Variants in MAD1L1 observed in about 807,000 individuals in gnomAD.
MAD1L1 encodes the protein mitotic spindle assembly checkpoint protein MAD1.
Under a neutral mutation model 96.9 loss-of-function variants are expected in MAD1L1, and 95 were observed. The ratio of observed to expected loss-of-function variants is 0.98; its 90% CI spans 0.83 to 1.16. MAD1L1 has a LOEUF of 1.16. MAD1L1 is among the 50% of genes most tolerant of loss of function. The probability of loss-of-function intolerance (pLI) is 0.00; values close to 1 mark genes in which losing one functional copy is unlikely to be tolerated. For synonymous variants in MAD1L1, 473 were observed against 396.6 expected (o/e 1.19, Z -2.29); for missense variants, 1,007 against 954.4 (o/e 1.06, Z -0.73).
chr7:1,980,617 C>T, intron 14 of MAD1L1, 76 bp from the exon 15 acceptor site: 1 of 1,185,242 alleles, frequency 8.4e-7, no homozygotes, highest in Admixed American at 2.0e-5. Context: ...GCCCAGGCCC[C>T]TGAGACCACC....
intron 3 of MAD1L1, 155 bp from the exon 4 acceptor site, chr7:2,225,705 G>A: frequency 1.3e-6 from 1 of 765,896 alleles, no homozygotes; most frequent in South Asian, 1.9e-5. Context: ...CCAGGCTGGG[G>A]AACAGGGGAG....
chr7:1,926,162 T>C (rs978767945), intron 17 of MAD1L1, among the ~76,000 whole-genome samples: 1 of 152,186 alleles, frequency 6.6e-6, no homozygotes, highest in African/African-American at 2.4e-5. Context: ...ACAGATATAA[T>C]GAACCAGTTC....
At chr7:2,034,281 A>G (rs1783365168) in intron 12 of MAD1L1, among the ~76,000 whole-genome samples, 1 of 148,380 alleles carries the variant, frequency 6.7e-6, no homozygotes, top group African/African-American at 2.5e-5. Context: ...CAATGGTGTG[A>G]TCTAGGCTCA....
chr7:1,895,558 T>C (rs1443342934), intron 18 of MAD1L1, among the ~76,000 whole-genome samples: 2 of 152,250 alleles, frequency 1.3e-5, no homozygotes, highest in South Asian at 4.1e-4. Context: ...ACACAGTGCA[T>C]GTCACACATG....
intron 10 of MAD1L1, among the ~76,000 whole-genome samples, chr7:2,158,135 A>G (rs1358979718): frequency 6.6e-6 from 1 of 152,234 alleles, no homozygotes; most frequent in Non-Finnish European, 1.5e-5. Context: ...TTCAAGGGGA[A>G]GAAAGTCTTT....
chr7:1,896,957 CGAA>C (rs1245087416), intron 18 of MAD1L1, among the ~76,000 whole-genome samples: 1 of 152,184 alleles, frequency 6.6e-6, no homozygotes, highest in East Asian at 1.9e-4. Flanking sequence ...TATACAAAAG[CGAA>C]GAAGTACATT....
At chr7:2,043,791 A>G (rs775020916) in intron 12 of MAD1L1, among the ~76,000 whole-genome samples, 1 of 152,210 alleles carries the variant, frequency 6.6e-6, no homozygotes, top group Non-Finnish European at 1.5e-5. Context: ...GCCTCTGCCC[A>G]TTCTCTCCTC....
chr7:2,111,063 G>A (rs1046033965), intron 11 of MAD1L1, among the ~76,000 whole-genome samples: 3 of 152,188 alleles, frequency 2.0e-5, no homozygotes, highest in East Asian at 1.9e-4. Flanking sequence ...AGAGAGCTTC[G>A]GTCTCAAGTC....
At chr7:1,827,568 G>A (rs1395225864) in intron 18 of MAD1L1, among the ~76,000 whole-genome samples, 1 of 120,352 alleles carries the variant, frequency 8.3e-6, no homozygotes, top group Non-Finnish European at 1.9e-5. Context: ...AGCCCGTCCC[G>A]GGTGTGGCAT....
chr7:1,837,992 C>A (rs1459386098), intron 18 of MAD1L1, among the ~76,000 whole-genome samples: 2 of 152,252 alleles, frequency 1.3e-5, no homozygotes, highest in East Asian at 3.8e-4. Context: ...CGGCAGCGTG[C>A]TGCTTCTCCA....
intron 18 of MAD1L1, chr7:1,847,673 C>T (rs781357034): frequency 1.3e-4 from 63 of 470,668 alleles, no homozygotes; most frequent in Admixed American, 1.2e-3. Flanking sequence ...AAAGCCTGGA[C>T]GCATACACTG....
At chr7:2,172,257 G>T (rs1198617430) in intron 10 of MAD1L1, among the ~76,000 whole-genome samples, 2 of 152,054 alleles carry the variant, frequency 1.3e-5, no homozygotes, top group Non-Finnish European at 2.9e-5. Context: ...GAGACACCAC[G>T]ACCCTTCCCA....
At chr7:1,854,656 G>A (rs540509542) in intron 18 of MAD1L1, among the ~76,000 whole-genome samples, 28 of 152,118 alleles carry the variant, frequency 1.8e-4, no homozygotes, top group Non-Finnish European at 4.1e-4. Flanking sequence ...GTTTCCACGT[G>A]GGAACTGCGG....
chr7:1,938,898 GGCGC>G (rs72094854), intron 16 of MAD1L1, among the ~76,000 whole-genome samples: 113 of 95,478 alleles, frequency 1.2e-3, no homozygotes, highest in South Asian at 2.9e-3. Flanking sequence ...CGGGGCCAGA[GGCGC>G]GCACACACAC....
At chr7:2,023,842 G>T (rs556737480) in intron 12 of MAD1L1, among the ~76,000 whole-genome samples, 1 of 151,994 alleles carries the variant, frequency 6.6e-6, no homozygotes, top group Admixed American at 6.6e-5. Flanking sequence ...CCAGCTACTT[G>T]GAAGACCGAG....
intron 15 of MAD1L1, among the ~76,000 whole-genome samples, chr7:1,972,617 A>C (rs529005048): frequency 6.6e-6 from 1 of 152,086 alleles, no homozygotes; most frequent in African/African-American, 2.4e-5. Context: ...TTTTTTCCAA[A>C]AAAGCCAGAA....
intron 18 of MAD1L1, among the ~76,000 whole-genome samples, chr7:1,893,631 A>AGCTCCTAG (rs1583683450): frequency 6.6e-6 from 1 of 152,178 alleles, no homozygotes; most frequent in East Asian, 1.9e-4. Context: ...AGCTCAGGGA[A>AGCTCCTAG]GACCCTCCTG....
chr7:2,012,054 G>A (rs1476034898), intron 13 of MAD1L1, among the ~76,000 whole-genome samples: 1 of 152,206 alleles, frequency 6.6e-6, no homozygotes, highest in African/African-American at 2.4e-5. Flanking sequence ...GAGACAGACA[G>A]GAAGGGGAGT....
intron 16 of MAD1L1, among the ~76,000 whole-genome samples, chr7:1,949,898 A>C (rs1169116877): frequency 6.6e-6 from 1 of 152,150 alleles, no homozygotes; most frequent in Non-Finnish European, 1.5e-5. Context: ...ATGCTCAGGG[A>C]TATCAGCTTT....
Sources: allele counts gnomAD v4.1 joint callset (sites outside exome capture counted in the v4.1 genomes callset), GRCh38; gene constraint gnomAD v4.1.1; transcripts MANE v1.5; gene names NCBI Gene and HGNC (gene_info 2026-07-23, HGNC 2026-07-21).